BRAP: variants seen among roughly 807,000 people sequenced by gnomAD.
The protein encoded by BRAP is BRCA1 associated protein, also known as BRCA1-associated protein.
Under a neutral mutation model 73.4 loss-of-function variants are expected in BRAP, and 42 were observed. That is an observed-to-expected ratio of 0.57 (90% CI 0.45 to 0.74). The LOEUF is 0.74. BRAP is among the 30% of genes least tolerant of loss of function. BRAP has a pLI of 0.00. For synonymous variants in BRAP, 255 were observed against 267.4 expected (o/e 0.95, Z 0.45); for missense variants, 593 against 751.4 (o/e 0.79, Z 2.46).
At position 111,644,335 on chromosome 12, in the gene BRAP, T is replaced by C. The variant is rs752512186; in HGVS notation, c.1643A>G (p.His548Arg). The change falls in exon 12 of 12, where the codon CAT becomes CGT. Residue 548 changes from histidine (H) to arginine (R), a missense_variant. Physicochemically the swap from His to Arg is conservative, Grantham distance 29. Transcript: ENST00000419234. ...FYLETQQKIN[H>R]LPAETRQEIQ... is the part of the protein sequence containing the mutation. ...TTCCTGCCGGGTCTCGGCAGGCAGA[T>C]GGTTGATCTTCTGCTGTGTCTCCAG... 1.1e-5 allele frequency: 17 copies of C among 1,613,966 alleles called. No homozygotes were observed. Among genetic ancestry groups the C allele is most frequent in the Non-Finnish European group, 1.4e-5 (16 of 1,180,008 alleles).
At chr12:111,668,083 T>C (rs1426236035) in intron 5 of BRAP, among the ~76,000 whole-genome samples, 1 of 152,130 alleles carries the variant, frequency 6.6e-6, no homozygotes, top group Non-Finnish European at 1.5e-5. Context: ...GGTGCATACC[T>C]GTAATCCCAG....
In BRAP at chr12:111,643,460, C is replaced by G. The variant is rs569172116; in HGVS notation, c.*739G>C. On this transcript the variant is annotated 3_prime_UTR_variant, in exon 12 of 12. Coordinates refer to ENST00000419234, the MANE Select transcript of BRAP (RefSeq NM_006768.5). ...TTGAGTTTGGGAACAGCCATTAAGC[C>G]TCCTCCTTAATTGCGGTTCATAATG... is the stretch of plus-strand genomic sequence containing the variant. 1 of 152,310 alleles carries G rather than the reference C, an allele frequency of 6.6e-6. No homozygotes were observed. Among genetic ancestry groups the G allele is most frequent in the African/African-American group, 2.4e-5 (1 of 41,576 alleles). The allele number at this position is 152,310 out of a possible 1,614,324, so 9.4% of individuals were successfully genotyped here.
chr12:111,644,713 A>G, intron 11 of BRAP, 151 bp from the exon 12 acceptor site: 1 of 1,271,278 alleles, frequency 7.9e-7, no homozygotes, highest in Non-Finnish European at 1.1e-6. Flanking sequence ...GTTTTCTGCC[A>G]TCGCAATCAG....
At chr12:111,657,458 T>C (rs1205144377) in intron 9 of BRAP, among the ~76,000 whole-genome samples, 1 of 152,244 alleles carries the variant, frequency 6.6e-6, no homozygotes, top group Non-Finnish European at 1.5e-5. Flanking sequence ...AATAACGATA[T>C]AAAACTCATT....
intron 8 of BRAP, 57 bp downstream of exon 8, chr12:111,659,150 T>C: frequency 1.9e-6 from 3 of 1,572,228 alleles, no homozygotes; most frequent in Non-Finnish European, 2.6e-6. Flanking sequence ...GAAGGCGTTG[T>C]GAAGGCAAAG....
At chr12:111,659,933 C>T (rs1886683101) in intron 7 of BRAP, among the ~76,000 whole-genome samples, 1 of 151,762 alleles carries the variant, frequency 6.6e-6, no homozygotes, top group Non-Finnish European at 1.5e-5. Context: ...ACCTACTAGG[C>T]CATGGTGGCA....
Position 111,659,227 on chromosome 12 carries a change from C to T in BRAP, c.1091G>A (p.Arg364Gln), listed in dbSNP as rs934364401. Residue 364 changes from arginine to glutamine, a missense_variant, in exon 8 of 12, where the codon CGA (arginine) becomes CAA (glutamine). Coordinates refer to ENST00000419234, the MANE Select transcript of BRAP (RefSeq NM_006768.5). ...HTYAMQLTNHRVWDYAGDNYV... is the reference protein window; with the variant it reads ...HTYAMQLTNHQVWDYAGDNYV... Reference sequence around the variant, plus strand: ...TTCACCTCCAGCATAGTCCCAGACTCGATGGTTGGTAAGCTGCATGGCATA... The same window carrying T: ...TTCACCTCCAGCATAGTCCCAGACTTGATGGTTGGTAAGCTGCATGGCATA... 3.1e-6 allele frequency: 5 copies of T among 1,613,998 alleles called. No individual in the cohort carries two copies. The East Asian group carries it at 6.7e-5, about 22-fold the overall frequency.
intron 4 of BRAP, among the ~76,000 whole-genome samples, chr12:111,676,237 G>C (rs1273924672): frequency 6.6e-6 from 1 of 152,150 alleles, no homozygotes. Flanking sequence ...CAAAGATAAA[G>C]AGAAGGCTTA....
At chr12:111,671,295 A>T (rs529892001) in intron 5 of BRAP, among the ~76,000 whole-genome samples, 1 of 152,244 alleles carries the variant, frequency 6.6e-6, no homozygotes, top group African/African-American at 2.4e-5. Flanking sequence ...CATGCTTATA[A>T]TCCCAGCACT....
chr12:111,679,044 C>G lies in BRAP; in HGVS notation c.633+107G>C, dbSNP rs1887494031. ...TACAATTATATCTTAGAAGACATCT[C>G]AAGAATCTTAAGTGCAAAATGTTGT... On this transcript the variant is annotated intron_variant, in intron 4 of 11. Coordinates refer to ENST00000419234, the MANE Select transcript of BRAP (RefSeq NM_006768.5). The G allele has an allele frequency of 5.3e-6, 4 of 756,714 alleles. No homozygotes were observed. The South Asian group carries it at 1.7e-4, about 32-fold the overall frequency. 46.9% of individuals were successfully genotyped at this position (756,714 alleles called of 1,614,324 possible). A position where few individuals can be genotyped will look rare whatever the true frequency, so the allele number is the denominator to read the frequency against.
chr12:111,669,825 C>G (rs1887100076), intron 5 of BRAP: 3 of 585,808 alleles, frequency 5.1e-6, no homozygotes, highest in Admixed American at 2.9e-5. Context: ...TACACCCACC[C>G]CACACCCCAA....
intron 5 of BRAP, among the ~76,000 whole-genome samples, chr12:111,666,136 C>A (rs1319852531): frequency 3.9e-5 from 6 of 152,182 alleles, no homozygotes; most frequent in Admixed American, 3.9e-4. Context: ...ATTCAAGAAA[C>A]AGGGATGGAG....
intron 4 of BRAP, 86 bp downstream of exon 4, chr12:111,679,065 G>T (rs1887495085): frequency 3.0e-6 from 3 of 985,798 alleles, no homozygotes; most frequent in Non-Finnish European, 4.1e-6. Flanking sequence ...AGTGCAAAAT[G>T]TTGTAAATCA....
In BRAP at chr12:111,672,773, G is replaced by C. The variant is rs185194817; in HGVS notation, c.635C>G (p.Ala212Gly). Residue 212 changes from alanine to glycine, a missense_variant and splice_region_variant, in exon 5 of 12, where the codon GCT (alanine) becomes GGT (glycine). Coordinates refer to ENST00000419234, the MANE Select transcript of BRAP (RefSeq NM_006768.5). ...TGTCATATAAAAACTATCCGCATCA[G>C]CCTATGTACACCAATGGGGAAAAGG... ...YMVLIKFRAQ[A>G]DADSFYMTCN... 1 of 1,612,886 alleles carries C rather than the reference G, an allele frequency of 6.2e-7. No individual in the cohort carries two copies. The highest frequency in any genetic ancestry group is 8.5e-7 in the Non-Finnish European group (1 of 1,179,484).
At chr12:111,684,334 G>C (rs1343007641) in intron 1 of BRAP, among the ~76,000 whole-genome samples, 3 of 152,152 alleles carry the variant, frequency 2.0e-5, no homozygotes, top group Non-Finnish European at 4.4e-5. Flanking sequence ...GAACTCAGAA[G>C]CCACTTTTAG....
chr12:111,651,253 T>TAATAAC (rs1886311556), intron 10 of BRAP, among the ~76,000 whole-genome samples: 1 of 148,850 alleles, frequency 6.7e-6, no homozygotes, highest in Non-Finnish European at 1.5e-5. Flanking sequence ...ATAATAATAA[T>TAATAAC]AATAGGCCGG....
chr12:111,653,118 G>A (rs1325549985), intron 10 of BRAP, among the ~76,000 whole-genome samples: 1 of 152,140 alleles, frequency 6.6e-6, no homozygotes, highest in Non-Finnish European at 1.5e-5. Flanking sequence ...GCTTGAGCAT[G>A]AGAGGCTGAG....
At chr12:111,674,225 T>A (rs955643109) in intron 4 of BRAP, among the ~76,000 whole-genome samples, 1 of 152,160 alleles carries the variant, frequency 6.6e-6, no homozygotes, top group Non-Finnish European at 1.5e-5. Context: ...TTGTGAATTC[T>A]TGATTACTTA....
At chr12:111,685,536 C>A in intron 1 of BRAP, 175 bp downstream of exon 1, 1 of 1,326,580 alleles carries the variant, frequency 7.5e-7, no homozygotes, top group Non-Finnish European at 9.7e-7. Flanking sequence ...CCTGAGATAA[C>A]AAACGGGAAG....
Sources: allele counts gnomAD v4.1 joint callset (sites outside exome capture counted in the v4.1 genomes callset), GRCh38; gene constraint gnomAD v4.1.1; transcripts MANE v1.5; gene names NCBI Gene and HGNC (gene_info 2026-07-23, HGNC 2026-07-21).